FAM193A: variants seen among roughly 807,000 people sequenced by gnomAD.
FAM193A encodes the protein protein FAM193A.
FAM193A carries 22 observed loss-of-function variants against 126.5 expected under a neutral mutation model. The ratio of observed to expected loss-of-function variants is 0.17; its 90% CI spans 0.12 to 0.25. FAM193A has a LOEUF of 0.25. FAM193A is among the 10% of genes least tolerant of loss of function. The pLI is 1.00. For missense variants in FAM193A, 1,675 were observed against 1,672.8 expected (o/e 1.00, Z -0.02); for synonymous variants, 761 against 646.8 (o/e 1.18, Z -2.68).
intron 2 of FAM193A, 94 bp downstream of exon 2, chr4:2,596,423 C>T: frequency 1.6e-6 from 1 of 644,876 alleles, no homozygotes; most frequent in South Asian, 1.7e-5. Flanking sequence ...TTTGCTTTTG[C>T]TTCAGGGGGC....
upstream of FAM193A, among the ~76,000 whole-genome samples, chr4:2,535,836 A>G (rs1340131247): frequency 6.6e-6 from 1 of 151,988 alleles, no homozygotes; most frequent in East Asian, 1.9e-4. Context: ...GGGCTCGGGA[A>G]GAGCACCCTT....
chr4:2,665,280 C>A (rs1049899838), intron 12 of FAM193A, among the ~76,000 whole-genome samples: 1 of 152,042 alleles, frequency 6.6e-6, no homozygotes, highest in African/African-American at 2.4e-5. Context: ...CATAGAAATA[C>A]AATTGATTTT....
rs754347105 is a variant in FAM193A, at chr4:2,696,565, C to T, written c.3479C>T (p.Ala1160Val). ...AAACCAGTGAGCAGCACGCGTGCAG[C>T]GAAGCGAGCAAGGCATAAGCAAAGG... is the stretch of plus-strand genomic sequence containing the variant. ...ETKPVSSTRA[A>V]KRARHKQRKL... Residue 1160 changes from alanine to valine, a missense_variant, in exon 18 of 21, where the codon GCG becomes GTG. This residue lies in a region of FAM193A where 415 missense variants were observed against 396.7 expected (regional missense o/e 1.05). Transcript: ENST00000637812. 1.9e-6 allele frequency: 3 copies of T among 1,614,042 alleles called. No individual in the cohort carries two copies. The highest frequency in any genetic ancestry group is 8.5e-7 in the Non-Finnish European group (1 of 1,179,990).
At chr4:2,538,671 T>TTGGG (rs1737037713) in intron 1 of FAM193A, among the ~76,000 whole-genome samples, 1 of 80,114 alleles carries the variant, frequency 1.2e-5, no homozygotes. Context: ...TTTGCTGCTG[T>TTGGG]CGGGTAGGGG....
intron 2 of FAM193A, among the ~76,000 whole-genome samples, chr4:2,617,260 A>AT (rs1421395075): frequency 8.5e-4 from 30 of 35,392 alleles, no homozygotes; most frequent in South Asian, 1.3e-3. Flanking sequence ...ATATATATAT[A>AT]TATTTTTTTT....
In FAM193A at chr4:2,700,137, C is replaced by A. The variant is rs1334848571; in HGVS notation, c.3965C>A (p.Ser1322Tyr). ...AATGGGAAGCAGCATGAGCCACTCTCTTTTTTCTTCGACATCATGCAGCAC... is the reference window on the plus strand; with the variant it reads ...AATGGGAAGCAGCATGAGCCACTCTATTTTTTCTTCGACATCATGCAGCAC... ...EVNGKQHEPL[S>Y]FFFDIMQHHK... is the part of the protein sequence containing the mutation. The change falls in exon 19 of 21, where the codon TCT (serine) becomes TAT (tyrosine). Residue 1322 changes from serine (S) to tyrosine (Y), a missense_variant. This residue lies in a region of FAM193A where 415 missense variants were observed against 396.7 expected (regional missense o/e 1.05). Coordinates refer to ENST00000637812, the MANE Select transcript of FAM193A (RefSeq NM_001366318.2). 1 of 1,613,596 alleles carries A rather than the reference C, an allele frequency of 6.2e-7. No individual in the cohort carries two copies. The highest frequency in any genetic ancestry group is 1.3e-5 in the African/African-American group (1 of 74,792).
intron 2 of FAM193A, chr4:2,608,164 T>G: frequency 6.3e-7 from 1 of 1,576,640 alleles, no homozygotes; most frequent in Non-Finnish European, 8.7e-7. Context: ...AATAAAAATT[T>G]AAAATACCAA....
chr4:2,652,353 G>A (rs541758192), intron 7 of FAM193A, among the ~76,000 whole-genome samples: 1 of 152,244 alleles, frequency 6.6e-6, no homozygotes, highest in South Asian at 2.1e-4. Flanking sequence ...GATTGATGCT[G>A]TTCACTTGAT....
At chr4:2,584,212 C>T (rs577620905) in intron 1 of FAM193A, among the ~76,000 whole-genome samples, 1 of 152,106 alleles carries the variant, frequency 6.6e-6, no homozygotes, top group Non-Finnish European at 1.5e-5. Flanking sequence ...AGAGATCTCT[C>T]CCTATGGAAT....
At chr4:2,669,075 TC>T (rs1256667126) in intron 12 of FAM193A, among the ~76,000 whole-genome samples, 1 of 152,044 alleles carries the variant, frequency 6.6e-6, no homozygotes, top group East Asian at 1.9e-4. Context: ...ACTCCTGACT[TC>T]AGGTGACCTA....
rs386399069 is a variant in FAM193A at position 2,594,820 on chromosome 4, CTTTTTTTT to C, written c.256-1245_256-1238del. 5.2e-3 allele frequency among the ~76,000 whole-genome samples: 325 copies of C among 62,232 alleles called. 2 individuals carry two copies. The highest frequency in any genetic ancestry group is 0.015 in the African/African-American group (186 of 12,706). The allele number at this position is 62,232 out of a possible 152,430, so 40.8% of individuals were successfully genotyped here. On this transcript the variant is annotated intron_variant, in intron 1 of 20. Coordinates refer to ENST00000637812, the MANE Select transcript of FAM193A (RefSeq NM_001366318.2). ...GTTTCTTTCTTTTTCTTTTCTTTTC[CTTTTTTTT>C]TTTTTTTTTTTTTTTTTTGAGACTT...
intron 7 of FAM193A, among the ~76,000 whole-genome samples, chr4:2,649,078 T>A (rs1745412445): frequency 6.6e-6 from 1 of 152,166 alleles, no homozygotes; most frequent in Admixed American, 6.5e-5. Flanking sequence ...GTGTTATTTT[T>A]AAAAAGTAAA....
Position 2,646,900 on chromosome 4 carries a change from A to C in FAM193A, c.1311+68A>C, listed in dbSNP as rs1577130522. The C allele has an allele frequency of 6.0e-6, 9 of 1,491,766 alleles. No homozygotes were observed. The East Asian group carries it at 1.7e-4, about 28-fold the overall frequency. 92.4% of individuals were successfully genotyped at this position (1,491,766 alleles called of 1,614,324 possible). On this transcript the variant is annotated intron_variant, in intron 7 of 20. Coordinates refer to ENST00000637812, the MANE Select transcript of FAM193A (RefSeq NM_001366318.2). ...GACGGCCCTGTTGAAGGCAGCACCA[A>C]GTCACTAGCTTTGTCCTGAGCTGCA...
rs148576459 is a variant in FAM193A, at chr4:2,631,780, T to A, written c.1038+611T>A. Among the ~76,000 whole-genome samples the A allele has an allele frequency of 2.0e-5, 3 of 152,232 alleles. No individual in the cohort carries two copies. The East Asian group carries it at 5.8e-4, about 29-fold the overall frequency. On this transcript the variant is annotated intron_variant, in intron 5 of 20. Coordinates refer to ENST00000637812, the MANE Select transcript of FAM193A (RefSeq NM_001366318.2). ...GGGTCCGGTTGCCTCAAAAGAGGAA[T>A]CACTACATTGGGTGGAAGGAGCATG...
At chr4:2,710,161 G>GTTT (rs796903801) in intron 19 of FAM193A, among the ~76,000 whole-genome samples, 146 of 91,810 alleles carry the variant, frequency 1.6e-3, no homozygotes, top group Middle Eastern at 0.015. Context: ...TTCTTCTTTT[G>GTTT]TTTTTTTTTT....
intron 1 of FAM193A, among the ~76,000 whole-genome samples, chr4:2,580,695 A>G (rs765018850): frequency 1.3e-5 from 2 of 152,222 alleles, no homozygotes; most frequent in Non-Finnish European, 2.9e-5. Flanking sequence ...CTCTCTTGCC[A>G]TGTGATACAT....
At chr4:2,615,093 C>A (rs948857626) in intron 2 of FAM193A, 3 of 151,932 alleles carry the variant, frequency 2.0e-5, no homozygotes, top group South Asian at 2.1e-4. Context: ...TAATTTCATT[C>A]CTCTACTTAT....
At chr4:2,629,071 C>G (rs1474609058) in intron 4 of FAM193A, among the ~76,000 whole-genome samples, 1 of 152,080 alleles carries the variant, frequency 6.6e-6, no homozygotes, top group African/African-American at 2.4e-5. Context: ...CCAGGATGGT[C>G]TCAATCTCGC....
chr4:2,726,508 C>T (rs1281740109), intron 20 of FAM193A, among the ~76,000 whole-genome samples: 6 of 152,096 alleles, frequency 3.9e-5, no homozygotes, highest in Admixed American at 2.6e-4. Flanking sequence ...GCATGGGATC[C>T]GGGTCCCGGT....
Sources: allele counts gnomAD v4.1 joint callset (sites outside exome capture counted in the v4.1 genomes callset), GRCh38; gene constraint gnomAD v4.1.1; regional missense constraint gnomAD v4.1.1; transcripts MANE v1.5; gene names NCBI Gene and HGNC (gene_info 2026-07-23, HGNC 2026-07-21).